The following RUSF1 variants were observed in gnomAD, a reference collection of about 807,000 sequenced individuals.
RUSF1 encodes the protein RUS1 family protein C16orf58.
A neutral mutation model predicts 63.0 loss-of-function variants in RUSF1; 58 were observed. The ratio of observed to expected loss-of-function variants is 0.92; its 90% confidence interval spans 0.75 to 1.15. The LOEUF (loss-of-function observed/expected upper bound fraction) is 1.15. RUSF1 is among the 50% of genes most tolerant of loss of function. The pLI, the probability that RUSF1 is intolerant of heterozygous loss-of-function variation, is 0.00. For missense variants in RUSF1, 652 were observed against 611.0 expected (o/e 1.07, Z -0.71); for synonymous variants, 274 against 255.8 (o/e 1.07, Z -0.68).
intron 6 of RUSF1, 43 bp downstream of exon 6, chr16:31,496,806 T>A: frequency 6.8e-7 from 1 of 1,478,676 alleles, no homozygotes; most frequent in Non-Finnish European, 9.1e-7. Context: ...TCTCTCCCCT[T>A]CCCCTCCCCA....
At chr16:31,499,241 T>G in intron 5 of RUSF1, 61 bp downstream of exon 5, 50 of 1,436,470 alleles carry the variant, frequency 3.5e-5, no homozygotes, top group Admixed American at 1.4e-4. Flanking sequence ...AGAGCCCAGG[T>G]AAACTCACAC....
chr16:31,493,404 G>A (rs1341751068), intron 9 of RUSF1, 63 bp downstream of exon 9: 4 of 1,533,644 alleles, frequency 2.6e-6, no homozygotes, highest in South Asian at 2.4e-5. Flanking sequence ...AGGCCAGTGT[G>A]TAATCGGAGT....
chr16:31,490,623 C>A lies in RUSF1; in HGVS notation c.*212G>T. On this transcript the variant is annotated 3_prime_UTR_variant, in exon 13 of 13. Coordinates refer to ENST00000327237, the MANE Select transcript of RUSF1 (RefSeq NM_022744.4). The stretch of plus-strand genomic sequence containing the variant: ...GTGCTCCCCAGAAAAGGGGAAGGGG[C>A]AGTGGGGTGAGAAGGTCCTGGCTCC... The A allele has an allele frequency of 8.1e-7, 1 of 1,230,274 alleles. No individual in the cohort carries two copies. 76.2% of individuals were successfully genotyped at this position (1,230,274 alleles called of 1,614,324 possible).
chr16:31,492,430 A>G (rs4536493), intron 10 of RUSF1, 90 bp from the exon 11 acceptor site: 969,388 of 1,408,356 alleles, frequency 0.69, 335,065 homozygotes, highest in Admixed American at 0.8. Context: ...TGTCTGCCCC[A>G]AGACCTTGGC....
intron 3 of RUSF1, 129 bp downstream of exon 3, chr16:31,500,557 G>A: frequency 8.4e-7 from 1 of 1,196,554 alleles, no homozygotes; most frequent in Non-Finnish European, 1.2e-6. Flanking sequence ...GATGCCACGG[G>A]CATTAAGCAC....
chr16:31,505,845 C>T (rs907779695), intron 2 of RUSF1, among the ~76,000 whole-genome samples: 6 of 152,160 alleles, frequency 3.9e-5, no homozygotes, highest in Admixed American at 2.0e-4. Context: ...TCTAATGTTT[C>T]TTCTCACCTT....
rs1416582167 is a variant in RUSF1, at chr16:31,490,103, G to C, written c.*732C>G. 1 of 1,613,568 alleles carries C rather than the reference G, an allele frequency of 6.2e-7. No homozygotes were observed. The highest frequency in any genetic ancestry group is 1.3e-5 in the African/African-American group (1 of 74,910). ...CTCGTTCGTGCTCCCACCCTCCCCAGCTCCACCGCCTGGTCTTCAGTCTCC... is the reference window on the plus strand; with the variant it reads ...CTCGTTCGTGCTCCCACCCTCCCCACCTCCACCGCCTGGTCTTCAGTCTCC... On this transcript the variant is annotated 3_prime_UTR_variant, in exon 13 of 13. Transcript: ENST00000327237.
intron 2 of RUSF1, among the ~76,000 whole-genome samples, chr16:31,507,539 G>T (rs1181183841): frequency 2.0e-5 from 3 of 152,220 alleles, no homozygotes; most frequent in Admixed American, 2.0e-4. Context: ...TTGAGACTCA[G>T]AAGTCTGTGT....
At chr16:31,491,048 T>C in intron 12 of RUSF1, 116 bp from the exon 13 acceptor site, 1 of 939,140 alleles carries the variant, frequency 1.1e-6, no homozygotes, top group African/African-American at 1.6e-5. Context: ...GCTGGGTGAG[T>C]ATGGCATAAA....
At chr16:31,506,051 T>G (rs1461610002) in intron 2 of RUSF1, among the ~76,000 whole-genome samples, 1 of 152,192 alleles carries the variant, frequency 6.6e-6, no homozygotes, top group Non-Finnish European at 1.5e-5. Flanking sequence ...TGTTAAGTAC[T>G]TCTGTGTGAA....
At chr16:31,494,397 T>C (rs1359103896) in intron 6 of RUSF1, among the ~76,000 whole-genome samples, 1 of 151,902 alleles carries the variant, frequency 6.6e-6, no homozygotes, top group Non-Finnish European at 1.5e-5. Flanking sequence ...TGGTGGCGCG[T>C]GCCTCTACTC....
chr16:31,507,546 G>C (rs1311133364), intron 2 of RUSF1, among the ~76,000 whole-genome samples: 2 of 152,202 alleles, frequency 1.3e-5, no homozygotes, highest in Non-Finnish European at 2.9e-5. Context: ...TCAGAAGTCT[G>C]TGTGGGGAAT....
In RUSF1 at chr16:31,496,939, A is replaced by G. The variant is rs2082606813; in HGVS notation, c.612T>C (p.Ser204=). ...CAGCCCGAGTGGCCCCACCAGCAACACTCACGATGCACTGGGTGGGAGGGG... is the reference window on the plus strand; with the variant it reads ...CAGCCCGAGTGGCCCCACCAGCAACGCTCACGATGCACTGGGTGGGAGGGG... ...STSNLAKCIV[S]VAGGATRAAL... Residue 204 remains serine (S), a synonymous_variant, in exon 6 of 13, where the codon AGT becomes AGC. Transcript: ENST00000327237. 1.9e-6 allele frequency: 3 copies of G among 1,606,420 alleles called. No individual in the cohort carries two copies. Among genetic ancestry groups the G allele is most frequent in the South Asian group, 1.1e-5 (1 of 89,518 alleles).
intron 2 of RUSF1, among the ~76,000 whole-genome samples, chr16:31,506,269 G>A (rs1213030779): frequency 6.6e-6 from 1 of 152,140 alleles, no homozygotes; most frequent in Non-Finnish European, 1.5e-5. Context: ...AAGTATATAT[G>A]AAACATAAAC....
At chr16:31,507,100 A>G (rs1222712892) in intron 2 of RUSF1, among the ~76,000 whole-genome samples, 1 of 152,240 alleles carries the variant, frequency 6.6e-6, no homozygotes, top group African/African-American at 2.4e-5. Flanking sequence ...TTACTTTTGC[A>G]CCAGCCTAAT....
In RUSF1 at chr16:31,501,283, G is replaced by C. The variant is rs376936150; in HGVS notation, c.416-552C>G. On this transcript the variant is annotated intron_variant, in intron 2 of 12. Coordinates refer to ENST00000327237, the MANE Select transcript of RUSF1 (RefSeq NM_022744.4). ...GTTGGCTCACAGATGGCTATTATGG[G>C]ATAAATAAATAAAAGGATTTAGGCT... Among the ~76,000 whole-genome samples the C allele has an allele frequency of 3.9e-5, 6 of 151,904 alleles. No homozygotes were observed. In the East Asian group the frequency reaches 1.2e-3, roughly 30 times the overall value.
rs1218156119 is a variant in RUSF1 at position 31,496,951 on chromosome 16, C to A, written c.601-1G>T. 3 of 1,601,776 alleles carry A rather than the reference C, an allele frequency of 1.9e-6. No homozygotes were observed. The highest frequency in any genetic ancestry group is 2.3e-5 in the East Asian group (1 of 44,338). ...CCCCACCAGCAACACTCACGATGCA[C>A]TGGGTGGGAGGGGAAGAGAGAAGGT... On this transcript the variant is annotated splice_acceptor_variant, in intron 5 of 12. Transcript: ENST00000327237. LOFTEE classifies it high-confidence loss of function.
chr16:31,501,171 A>G (rs2082631182), intron 2 of RUSF1, among the ~76,000 whole-genome samples: 1 of 152,244 alleles, frequency 6.6e-6, no homozygotes, highest in Non-Finnish European at 1.5e-5. Flanking sequence ...ATATTTACCT[A>G]TTTGGTAAAA....
chr16:31,505,335 C>T (rs901335850), intron 2 of RUSF1, among the ~76,000 whole-genome samples: 4 of 152,088 alleles, frequency 2.6e-5, no homozygotes, highest in African/African-American at 9.7e-5. Flanking sequence ...CTGCCGCATT[C>T]CCCTTGCCGA....
Sources: allele counts gnomAD v4.1 joint callset (sites outside exome capture counted in the v4.1 genomes callset), GRCh38; gene constraint gnomAD v4.1.1; transcripts MANE v1.5; gene names NCBI Gene and HGNC (gene_info 2026-07-23, HGNC 2026-07-21).